DEF8: variants seen among roughly 807,000 people sequenced by gnomAD.
The protein encoded by DEF8 is DEF-8.
In DEF8, 38 loss-of-function variants were observed where a neutral mutation model predicts 59.1. That is an observed-to-expected ratio of 0.64 (90% CI 0.50 to 0.84). The LOEUF is 0.84. DEF8 is among the 40% of genes least tolerant of loss of function. The pLI, the probability that DEF8 is intolerant of heterozygous loss-of-function variation, is 0.00. For synonymous variants in DEF8, 265 were observed against 250.1 expected (o/e 1.06, Z -0.56); for missense variants, 557 against 615.2 (o/e 0.91, Z 1.00).
At position 89,959,130 on chromosome 16, in the gene DEF8, C is replaced by G. The variant is rs758227467; in HGVS notation, c.489C>G (p.Leu163=). ...AGTGTAACACCATCATCTGGGGGCT[C>G]ATTCAGACCTGGTACACCTGCACAG... ...CDKCNTIIWG[L]IQTWYTCTGC... Residue 163 remains leucine, a synonymous_variant, in exon 6 of 13, where the codon CTC becomes CTG. Coordinates refer to ENST00000563594, the MANE Select transcript of DEF8 (RefSeq NM_001242818.2). 1 of 1,613,944 alleles carries G rather than the reference C, an allele frequency of 6.2e-7. No individual in the cohort carries two copies. The highest frequency in any genetic ancestry group is 1.3e-5 in the African/African-American group (1 of 75,028).
rs201776185 is a variant in DEF8, at chr16:89,949,630, G to T, written c.-11+117G>T. The T allele has an allele frequency of 3.7e-5, 60 of 1,611,944 alleles. No individual in the cohort carries two copies. The East Asian group carries it at 1.3e-3, about 34-fold the overall frequency. On this transcript the variant is annotated intron_variant, in intron 2 of 12. Transcript: ENST00000563594. The stretch of plus-strand genomic sequence containing the variant: ...GTGGTCACGCCGCGGGCAGGACGCG[G>T]GAGGCCAGGTCCGTGCATCCCGCGT...
chr16:89,956,316 C>T (rs552881935), intron 4 of DEF8, among the ~76,000 whole-genome samples: 14 of 151,764 alleles, frequency 9.2e-5, no homozygotes, highest in South Asian at 6.3e-4. Flanking sequence ...AAAATTTAGC[C>T]GGGCATAGTG....
At chr16:89,959,432 A>G (rs1312944093) in intron 6 of DEF8, 1 of 1,094,638 alleles carries the variant, frequency 9.1e-7, no homozygotes, top group East Asian at 2.8e-5. Flanking sequence ...GGTGGAGTGA[A>G]TGTGACTTTA....
In DEF8 at chr16:89,961,074, T is replaced by C; in HGVS notation, c.658T>C (p.Cys220Arg). The change falls in exon 7 of 13, where the codon TGC (cysteine) becomes CGC (arginine). Residue 220 changes from cysteine (C) to arginine (R), a missense_variant. By Grantham distance (180) the Cys-to-Arg change is radical (BLOSUM62 -3). Transcript: ENST00000563594. ...CAGCCAGGATTACCGCTGTGCCGAGTGCCGGGCGCCCATCTCTCTGCGTGA... is the reference window on the plus strand; with the variant it reads ...CAGCCAGGATTACCGCTGTGCCGAGCGCCGGGCGCCCATCTCTCTGCGTGA... ...LDSQDYRCAE[C>R]RAPISLRGVP... 1 of 1,612,632 alleles carries C rather than the reference T, an allele frequency of 6.2e-7. No individual in the cohort carries two copies. The highest frequency in any genetic ancestry group is 8.5e-7 in the Non-Finnish European group (1 of 1,178,986).
rs1033908741 is a variant in DEF8, at chr16:89,966,017, A to G, written c.*54A>G. On this transcript the variant is annotated 3_prime_UTR_variant, in exon 13 of 13. Transcript: ENST00000563594. ...CTGGCCCGCCAGGACCCACCCTGCCAACATCAAGTTGTTCCTTCTGCTCCG... is the reference window on the plus strand; with the variant it reads ...CTGGCCCGCCAGGACCCACCCTGCCGACATCAAGTTGTTCCTTCTGCTCCG... The G allele has an allele frequency of 3.1e-5, 44 of 1,402,122 alleles. No homozygotes were observed. Among genetic ancestry groups the G allele is most frequent in the Non-Finnish European group, 4.4e-5 (44 of 1,000,654 alleles). The allele number at this position is 1,402,122 out of a possible 1,614,324, so 86.9% of individuals were successfully genotyped here.
chr16:89,955,186 C>T lies in DEF8; in HGVS notation c.142C>T (p.Pro48Ser), dbSNP rs1267889643. ...VTPEEALPEL[P>S]PGEPEFRCPE... is the part of the protein sequence containing the mutation. ...TCCTCCAGAGGCCCTGCCTGAGCTG[C>T]CCCCTGGGGAGCCGGAATTCCGCTG... The change falls in exon 4 of 13, where the codon CCC becomes TCC. Residue 48 changes from proline to serine, a missense_variant. Transcript: ENST00000563594. 4 of 1,612,740 alleles carry T rather than the reference C, an allele frequency of 2.5e-6. No homozygotes were observed. The African/African-American group carries it at 4.0e-5, about 16-fold the overall frequency.
chr16:89,948,869 ACGGGGCCGGCGGGGACGG>A (rs2031222520), intron 1 of DEF8, 55 bp downstream of exon 1: 1 of 530,944 alleles, frequency 1.9e-6, no homozygotes, highest in African/African-American at 6.4e-5. Flanking sequence ...GCCGGCGGGG[ACGGGGCCGGCGGGGACGG>A]GGTCGGCGGG....
chr16:89,962,159 G>T (rs767109215), intron 9 of DEF8, 34 bp downstream of exon 9: 1 of 1,584,854 alleles, frequency 6.3e-7, no homozygotes, highest in Non-Finnish European at 8.6e-7. Context: ...GGGGGCGGGG[G>T]CGCTGTGTCA....
In DEF8 at chr16:89,959,411, G is replaced by T. The variant is rs147049976; in HGVS notation, c.514+256G>T. 2,372 of 1,285,228 alleles carry T rather than the reference G, an allele frequency of 1.8e-3. 39 individuals carry two copies. The African/African-American group carries it at 0.032, about 17-fold the overall frequency. 79.6% of individuals were successfully genotyped at this position (1,285,228 alleles called of 1,614,324 possible). A position where few individuals can be genotyped will look rare whatever the true frequency, so the allele number is the denominator to read the frequency against. On this transcript the variant is annotated intron_variant, in intron 6 of 12. Coordinates refer to ENST00000563594, the MANE Select transcript of DEF8 (RefSeq NM_001242818.2). The stretch of plus-strand genomic sequence containing the variant: ...AATGAAGAAAAAGGGAAAGGACCTA[G>T]CACGTGTTAGGGTGGAGTGAATGTG...
In DEF8 at chr16:89,957,647, T is replaced by C. The variant is rs1185679424; in HGVS notation, c.359T>C (p.Leu120Pro). The change falls in exon 5 of 13, where the codon CTC becomes CCC. Residue 120 changes from leucine (L) to proline (P), a missense_variant. Leu to Pro is a moderately conservative substitution (Grantham distance 98). Transcript: ENST00000563594. ...CGACTCATCCACCTCCGGCTGAAGC[T>C]CCAGGAGCTGAAGGTGGGTGTGGGG... ...VVRLIHLRLK[L>P]QELKDPNEDE... 2 of 1,563,104 alleles carry C rather than the reference T, an allele frequency of 1.3e-6. No homozygotes were observed. Among genetic ancestry groups the C allele is most frequent in the African/African-American group, 1.4e-5 (1 of 73,712 alleles).
chr16:89,962,390 T>G (rs1427479378), intron 9 of DEF8, among the ~76,000 whole-genome samples: 6 of 152,212 alleles, frequency 3.9e-5, no homozygotes, highest in Non-Finnish European at 5.9e-5. Flanking sequence ...CTGGGCACGG[T>G]GCTCACACCT....
At chr16:89,960,356 T>C (rs937567214) in intron 6 of DEF8, among the ~76,000 whole-genome samples, 1 of 151,596 alleles carries the variant, frequency 6.6e-6, no homozygotes. Context: ...GATTAGAAAA[T>C]AGTCTGACTG....
At chr16:89,960,381 C>T (rs551871436) in intron 6 of DEF8, among the ~76,000 whole-genome samples, 1 of 152,186 alleles carries the variant, frequency 6.6e-6, no homozygotes, top group East Asian at 1.9e-4. Context: ...CGGTGGCTCA[C>T]GCCTGTAATC....
intron 6 of DEF8, among the ~76,000 whole-genome samples, chr16:89,960,160 TG>T (rs2033834064): frequency 1.3e-5 from 2 of 151,774 alleles, no homozygotes; most frequent in South Asian, 2.1e-4. Flanking sequence ...TTAAGTGCAG[TG>T]GGGGCCACAA....
chr16:89,949,602 C>T, intron 2 of DEF8, 89 bp downstream of exon 2: 1 of 1,613,040 alleles, frequency 6.2e-7, no homozygotes, highest in Non-Finnish European at 8.5e-7. Context: ...ACACCGCTTC[C>T]TGGTGGTCAC....
In DEF8 at chr16:89,966,173, G is replaced by C. The variant is rs2034593127; in HGVS notation, c.*210G>C. On this transcript the variant is annotated 3_prime_UTR_variant, in exon 13 of 13. Transcript: ENST00000563594. ...GGCTGCACCTGGCTGTCACCTGGGTGTGCTGCTGTGAGGGGTCCTTGCGTG... is the reference window on the plus strand; with the variant it reads ...GGCTGCACCTGGCTGTCACCTGGGTCTGCTGCTGTGAGGGGTCCTTGCGTG... The C allele has an allele frequency of 3.8e-6, 2 of 519,604 alleles. No individual in the cohort carries two copies. The highest frequency in any genetic ancestry group is 7.0e-6 in the Non-Finnish European group (2 of 284,896). The allele number at this position is 519,604 out of a possible 1,614,324, so 32.2% of individuals were successfully genotyped here.
chr16:89,962,449 G>C (rs1451321687), intron 9 of DEF8, among the ~76,000 whole-genome samples: 1 of 152,176 alleles, frequency 6.6e-6, no homozygotes, highest in Non-Finnish European at 1.5e-5. Context: ...CTTGAGGTCG[G>C]GAGTTTGAGA....
Position 89,954,053 on chromosome 16 carries a change from C to A in DEF8, c.-10-190C>A. On this transcript the variant is annotated intron_variant, in intron 2 of 12. Coordinates refer to ENST00000563594, the MANE Select transcript of DEF8 (RefSeq NM_001242818.2). The surrounding 1 kb of genome is among the most constrained non-coding windows in gnomAD (Gnocchi z 4.3). ...TCCAAGGGGACGCCACCAGTGGGGG[C>A]CTGGGCAGGAGGCAGCTGAGGTGTT... The A allele has an allele frequency of 3.3e-6, 2 of 608,426 alleles. No individual in the cohort carries two copies. The highest frequency in any genetic ancestry group is 4.2e-5 in the South Asian group (2 of 47,196). 37.7% of individuals were successfully genotyped at this position (608,426 alleles called of 1,614,324 possible). A position where few individuals can be genotyped will look rare whatever the true frequency, so the allele number is the denominator to read the frequency against.
In DEF8 at chr16:89,954,430, G is replaced by A. The variant is rs920682781; in HGVS notation, c.124+54G>A. On this transcript the variant is annotated intron_variant, in intron 3 of 12. Coordinates refer to ENST00000563594, the MANE Select transcript of DEF8 (RefSeq NM_001242818.2). The surrounding 1 kb of genome is among the most constrained non-coding windows in gnomAD (Gnocchi z 4.3). ...GCTGGGCAGGTCTCTGACTGCTTACGTGGACCCCTCCTTTCTTCCTGCCGC... is the reference window on the plus strand; with the variant it reads ...GCTGGGCAGGTCTCTGACTGCTTACATGGACCCCTCCTTTCTTCCTGCCGC... 6 of 1,579,704 alleles carry A rather than the reference G, an allele frequency of 3.8e-6. No individual in the cohort carries two copies. Among genetic ancestry groups the A allele is most frequent in the East Asian group, 2.3e-5 (1 of 44,442 alleles).
Sources: gnomAD v4.1 joint callset for allele counts (sites outside exome capture counted in the v4.1 genomes callset) on GRCh38, gnomAD v4.1.1 for gene constraint, Gnocchi (gnomAD v3.1) non-coding constraint, MANE v1.5 for transcripts, NCBI Gene and HGNC (gene_info 2026-07-23, HGNC 2026-07-21) for gene names.